RENBP: variants seen among roughly 807,000 people sequenced by gnomAD.
RENBP encodes N-acylglucosamine 2-epimerase.
Under a neutral mutation model 37.8 loss-of-function variants are expected in RENBP, and 16 were observed. The observed-to-expected ratio is 0.42, with a 90% CI of 0.29 to 0.64. The LOEUF (loss-of-function observed/expected upper bound fraction) is 0.64. Ranked by LOEUF, RENBP falls within the 30% of genes least tolerant of loss-of-function variation. RENBP has a pLI of 0.19. For synonymous variants in RENBP, 170 were observed against 154.8 expected, an observed-to-expected ratio of 1.10 and a Z score of -0.73; for missense variants, 347 against 379.5, an observed-to-expected ratio of 0.91 and a Z score of 0.71.
intron 5 of RENBP, 29 bp downstream of exon 5, chrX:153,943,517 G>A: frequency 8.4e-7 from 1 of 1,187,962 alleles, no homozygotes; most frequent in Admixed American, 2.2e-5. Context: ...GCAGGGTGGG[G>A]TCTTCAGGGG....
At chrX:153,942,688 C>T in intron 6 of RENBP, 167 bp downstream of exon 6, 3 of 473,225 alleles carry the variant, frequency 6.3e-6, no homozygotes, top group Non-Finnish European at 7.3e-6. Flanking sequence ...TCTGTCAGGG[C>T]TTGCCTGGGG....
At chrX:153,936,869 A>AT (rs1213061555) in intron 9 of RENBP, among the ~76,000 whole-genome samples, 1 of 112,200 alleles carries the variant, frequency 8.9e-6, no homozygotes, top group Non-Finnish European at 1.9e-5. Flanking sequence ...ATGGTGGCCC[A>AT]TAAGAGTTGG....
chrX:153,937,721 T>C (rs1359004512), intron 9 of RENBP, among the ~76,000 whole-genome samples: 2 of 110,430 alleles, frequency 1.8e-5, no homozygotes, highest in Non-Finnish European at 3.8e-5. Context: ...GTCTCCCCAG[T>C]AGTTGGGATT....
At chrX:153,941,457 T>C in intron 8 of RENBP, 21 bp downstream of exon 8, 1 of 1,207,430 alleles carries the variant, frequency 8.3e-7, no homozygotes, top group Non-Finnish European at 1.1e-6. Context: ...GGGTCACACA[T>C]GGCCCTGGGC....
chrX:153,943,502 G>A, intron 5 of RENBP, 44 bp downstream of exon 5: 3 of 1,159,124 alleles, frequency 2.6e-6, no homozygotes, highest in Non-Finnish European at 3.5e-6. Flanking sequence ...GGCCATGGCA[G>A]GGTCGCAGGG....
At chrX:153,939,805 A>C (rs1189843616) in intron 9 of RENBP, among the ~76,000 whole-genome samples, 2 of 103,281 alleles carry the variant, frequency 1.9e-5, no homozygotes, top group African/African-American at 3.6e-5. Context: ...CCCTGCTGCC[A>C]CCCCATAGGA....
rs893356731 is a variant in RENBP, at chrX:153,940,041, G to A, written c.1077+61C>T. 62 of 1,177,478 alleles carry A rather than the reference G, an allele frequency of 5.3e-5. 1 individual carries two copies. The East Asian group carries it at 1.6e-3, about 31-fold the overall frequency. ...TCAGCGAGGGGGCAAGAGCGCAGCC[G>A]GGCCAGACTCCCCCCATTCCCCCAT... On this transcript the variant is annotated intron_variant, in intron 9 of 10. Coordinates refer to ENST00000393700, the MANE Select transcript of RENBP (RefSeq NM_002910.6).
rs1557109868 is a variant in RENBP at position 153,942,994 on chromosome X, G to C, written c.548C>G (p.Ala183Gly). 8.3e-7 allele frequency: 1 copy of C among 1,208,511 alleles called. No individual in the cohort carries two copies. The highest frequency in any genetic ancestry group is 2.2e-5 in the Admixed American group (1 of 45,972). The change falls in exon 6 of 11, where the codon GCC becomes GGC. Residue 183 changes from alanine (A) to glycine (G), a missense_variant. By Grantham distance (60) the Ala-to-Gly change is moderately conservative. This residue lies in a region of RENBP where 244 missense variants were observed against 279.4 expected (regional missense o/e 0.87). Coordinates refer to ENST00000393700, the MANE Select transcript of RENBP (RefSeq NM_002910.6). The part of the protein sequence containing the change: ...SGLGRPQLQG[A>G]PAAEPMAVPM... ...CACCGCCATGGGCTCCGCAGCCGGGGCCCCCTGGAGCTGGGGCCGGCCCAG... is the reference window on the plus strand; with the variant it reads ...CACCGCCATGGGCTCCGCAGCCGGGCCCCCCTGGAGCTGGGGCCGGCCCAG...
rs1392436888 is a variant in RENBP, at chrX:153,938,782, G to GTTTTTTTTT, written c.1077+1311_1077+1319dup. Among the ~76,000 whole-genome samples the GTTTTTTTTT allele has an allele frequency of 4.5e-4, 34 of 75,507 alleles. 4 individuals are homozygous for GTTTTTTTTT. Among genetic ancestry groups the GTTTTTTTTT allele is most frequent in the African/African-American group, 6.6e-4 (11 of 16,704 alleles). The allele number at this position is 75,507 out of a possible 115,157, so 65.6% of individuals were successfully genotyped here. Reference sequence around the variant, plus strand: ...CATAGATCTCAGCAGCATCTGTACTGTTTTTTTTTTTTTGTTTTTTTTTTT... The same window carrying GTTTTTTTTT: ...CATAGATCTCAGCAGCATCTGTACTGTTTTTTTTTTTTTTTTTTTTTTGTTTTTTTTTTT... On this transcript the variant is annotated intron_variant, in intron 9 of 10. Transcript: ENST00000393700.
At chrX:153,942,744 T>A (rs868917147) in intron 6 of RENBP, 111 bp downstream of exon 6, 17 of 644,331 alleles carry the variant, frequency 2.6e-5, no homozygotes, top group Non-Finnish European at 3.7e-5. Context: ...CTTCCCCAGG[T>A]GGGGACATCC....
chrX:153,940,688 C>A (rs1182049139), intron 8 of RENBP, among the ~76,000 whole-genome samples: 2 of 111,733 alleles, frequency 1.8e-5, no homozygotes, highest in African/African-American at 3.3e-5. Context: ...CAAAACCCAC[C>A]AAAACCAAGG....
chrX:153,943,800 G>T, intron 4 of RENBP, 82 bp from the exon 5 acceptor site: 1 of 1,174,080 alleles, frequency 8.5e-7, no homozygotes, highest in Non-Finnish European at 1.2e-6. Flanking sequence ...CAAGTCCTTC[G>T]CTGCTTCTAG....
chrX:153,935,346 C>T lies in RENBP; in HGVS notation c.1224G>A (p.Leu408=). 17 of 1,091,760 alleles carry T rather than the reference C, an allele frequency of 1.6e-5. No individual in the cohort carries two copies. Among genetic ancestry groups the T allele is most frequent in the Non-Finnish European group, 1.9e-5 (16 of 835,551 alleles). 90.0% of individuals were successfully genotyped at this position (1,091,760 alleles called of 1,213,427 possible). A position where few individuals can be genotyped will look rare whatever the true frequency, so the allele number is the denominator to read the frequency against. ...AMCEEMLGAL[L]SRPAPAPSPA... is the part of the protein sequence containing the mutation. ...GGGAGGGGGCGGGGGCGGGGCGGCT[C>T]AGCAGGGCGCCCAGCATCTCCTCGC... The change falls in exon 11 of 11, where the codon CTG becomes CTA. Residue 408 remains leucine (L), a synonymous_variant. Transcript: ENST00000393700.
Position 153,935,452 on chromosome X carries a change from G to A in RENBP, c.1165+37C>T, listed in dbSNP as rs782791865. The stretch of plus-strand genomic sequence containing the variant: ...AGTGAGGGCCGGGGGCAGCCGAGAG[G>A]CGCAACCCCTGCGGCCCCGCCCTCT... On this transcript the variant is annotated intron_variant, in intron 10 of 10. Coordinates refer to ENST00000393700, the MANE Select transcript of RENBP (RefSeq NM_002910.6). 4.3e-6 allele frequency: 5 copies of A among 1,165,655 alleles called. No homozygotes were observed. In the Admixed American group the frequency reaches 1.1e-4, roughly 26 times the overall value.
chrX:153,940,579 G>T (rs1225876178), intron 8 of RENBP, among the ~76,000 whole-genome samples: 1 of 111,715 alleles, frequency 9.0e-6, no homozygotes, highest in African/African-American at 3.3e-5. Flanking sequence ...TTCCCAGACG[G>T]CTGAGGCATT....
rs1557109523 is a variant in RENBP at position 153,941,583 on chromosome X, G to A, written c.840C>T (p.Ala280=). The stretch of plus-strand genomic sequence containing the variant: ...ACAATAGGAACTTGTCAATCACGTG[G>A]GCTCGAAGTTCGGGGTCGCCTTTCC... ...CIRKGDPELR[A]HVIDKFLLLP... Residue 280 remains alanine, a synonymous_variant, in exon 8 of 11, where the codon GCC becomes GCT. Coordinates refer to ENST00000393700, the MANE Select transcript of RENBP (RefSeq NM_002910.6). The A allele has an allele frequency of 8.3e-7, 1 of 1,205,850 alleles. No homozygotes were observed. Among genetic ancestry groups the A allele is most frequent in the Non-Finnish European group, 1.1e-6 (1 of 893,865 alleles).
intron 9 of RENBP, chrX:153,936,069 G>T (rs2065199199): frequency 6.0e-6 from 1 of 167,596 alleles, no homozygotes; most frequent in African/African-American, 3.2e-5. Context: ...GGAGGCGGAG[G>T]TTGCAGTGAG....
Position 153,943,931 on chromosome X carries a change from A to G in RENBP, c.253T>C (p.Phe85Leu). ...GCGTCCAGAAGCTGAGCATGGCGGAAGCGCTCGAAAGTGCGGTACAGGCGA... is the reference window on the plus strand; with the variant it reads ...GCGTCCAGAAGCTGAGCATGGCGGAGGCGCTCGAAAGTGCGGTACAGGCGA... ...YCRLYRTFER[F>L]RHAQLLDAAK... The change falls in exon 4 of 11, where the codon TTC (phenylalanine) becomes CTC (leucine). Residue 85 changes from phenylalanine (F) to leucine (L), a missense_variant. By Grantham distance (22) the Phe-to-Leu change is conservative (BLOSUM62 0). Transcript: ENST00000393700. 1.7e-6 allele frequency: 2 copies of G among 1,186,575 alleles called. No homozygotes were observed. The highest frequency in any genetic ancestry group is 1.1e-6 in the Non-Finnish European group (1 of 882,429).
chrX:153,937,681 T>C (rs1373895566), intron 9 of RENBP, among the ~76,000 whole-genome samples: 1 of 108,595 alleles, frequency 9.2e-6, no homozygotes, highest in Non-Finnish European at 1.9e-5. Context: ...GCTGGAGTGC[T>C]TCCCGGGTTC....
Sources: gnomAD v4.1 joint callset for allele counts (sites outside exome capture counted in the v4.1 genomes callset) on GRCh38, gnomAD v4.1.1 for gene constraint, gnomAD v4.1.1 regional missense constraint, MANE v1.5 for transcripts, NCBI Gene and HGNC (gene_info 2026-07-23, HGNC 2026-07-21) for gene names.